The following TEC variants were observed in gnomAD, a reference collection of about 807,000 sequenced individuals.
The protein encoded by TEC is tyrosine-protein kinase Tec.
In TEC, 72 loss-of-function variants were observed where a neutral mutation model predicts 93.0. The observed-to-expected ratio is 0.77, with a 90% CI of 0.64 to 0.94. The LOEUF (loss-of-function observed/expected upper bound fraction) is 0.94. Ranked by LOEUF, TEC falls within the 40% of genes least tolerant of loss-of-function variation. The pLI is 0.00. For missense variants in TEC, 630 were observed against 757.9 expected, an observed-to-expected ratio of 0.83 and a Z score of 1.98; for synonymous variants, 249 against 247.7, an observed-to-expected ratio of 1.01 and a Z score of -0.05.
At chr4:48,263,208 T>G (rs1372681041) in intron 1 of TEC, among the ~76,000 whole-genome samples, 1 of 152,162 alleles carries the variant, frequency 6.6e-6, no homozygotes, top group South Asian at 2.1e-4. Context: ...GAAGTAAGGG[T>G]GCTGCTGCTG....
At chr4:48,151,019 A>C in intron 9 of TEC, 77 bp from the exon 10 acceptor site, 1 of 924,688 alleles carries the variant, frequency 1.1e-6, no homozygotes. Flanking sequence ...TAAAGAACCT[A>C]ATATTATAAT....
chr4:48,168,756 G>T, intron 5 of TEC, 130 bp from the exon 6 acceptor site: 1 of 845,048 alleles, frequency 1.2e-6, no homozygotes. Flanking sequence ...ACCAACTCTG[G>T]TGTATGCTGC....
intron 2 of TEC, among the ~76,000 whole-genome samples, chr4:48,185,140 A>G (rs562836754): frequency 2.0e-5 from 3 of 152,388 alleles, no homozygotes; most frequent in Admixed American, 1.3e-4. Context: ...CATATTTACA[A>G]TGAAAGTTCG....
chr4:48,150,838 A>T (rs1053851794), intron 10 of TEC, 25 bp downstream of exon 10: 7 of 1,368,308 alleles, frequency 5.1e-6, no homozygotes, highest in Non-Finnish European at 6.8e-6. Flanking sequence ...TCTAAATTAT[A>T]AAAAAAAATG....
At chr4:48,177,077 G>C (rs1237582988) in intron 2 of TEC, among the ~76,000 whole-genome samples, 2 of 152,140 alleles carry the variant, frequency 1.3e-5, no homozygotes, top group East Asian at 3.8e-4. Context: ...TCTGCCTGCA[G>C]CAATTAACTA....
chr4:48,178,798 T>C (rs554096595), intron 2 of TEC, among the ~76,000 whole-genome samples: 4 of 152,126 alleles, frequency 2.6e-5, no homozygotes, highest in Non-Finnish European at 4.4e-5. Flanking sequence ...CCGGGAAGCA[T>C]GCTTTTCACC....
intron 1 of TEC, among the ~76,000 whole-genome samples, chr4:48,243,587 T>C (rs778906772): frequency 6.6e-6 from 1 of 152,162 alleles, no homozygotes; most frequent in Non-Finnish European, 1.5e-5. Flanking sequence ...AGATATGTTA[T>C]CAAAATAAAA....
chr4:48,231,712 G>A (rs1021739226), intron 1 of TEC, among the ~76,000 whole-genome samples: 1 of 151,548 alleles, frequency 6.6e-6, no homozygotes, highest in Non-Finnish European at 1.5e-5. Context: ...AGCCAAGATC[G>A]CACCACTGCA....
At chr4:48,167,725 C>A in intron 7 of TEC, 53 bp downstream of exon 7, 2 of 1,552,460 alleles carry the variant, frequency 1.3e-6, no homozygotes, top group South Asian at 1.2e-5. Flanking sequence ...TCTCACTCAA[C>A]ACTTGACTCC....
intron 8 of TEC, among the ~76,000 whole-genome samples, chr4:48,159,255 A>G (rs1720523736): frequency 1.3e-5 from 2 of 152,350 alleles, no homozygotes; most frequent in African/African-American, 4.8e-5. Context: ...AGGCTGTACA[A>G]GAAGCATGGT....
intron 2 of TEC, among the ~76,000 whole-genome samples, chr4:48,197,311 CCT>C (rs1340768407): frequency 6.6e-6 from 1 of 152,180 alleles, no homozygotes; most frequent in Non-Finnish European, 1.5e-5. Flanking sequence ...AAGTACTCAA[CCT>C]CTCTGTTCTT....
intron 12 of TEC, 83 bp from the exon 13 acceptor site, chr4:48,145,662 C>T: frequency 3.6e-6 from 5 of 1,405,796 alleles, no homozygotes; most frequent in Non-Finnish European, 4.9e-6. Flanking sequence ...AACCTACAAC[C>T]AAGATCAACC....
chr4:48,188,420 A>T (rs1721970062), intron 2 of TEC, among the ~76,000 whole-genome samples: 1 of 152,154 alleles, frequency 6.6e-6, no homozygotes, highest in African/African-American at 2.4e-5. Flanking sequence ...GTGTTTCCCA[A>T]AGAGTGCTCT....
intron 9 of TEC, chr4:48,153,392 G>A (rs980453020): frequency 3.9e-5 from 6 of 152,198 alleles, no homozygotes; most frequent in Non-Finnish European, 7.3e-5. Context: ...GGAATACACT[G>A]CTGCAGAACT....
At chr4:48,178,049 A>C (rs1484400148) in intron 2 of TEC, among the ~76,000 whole-genome samples, 1 of 152,172 alleles carries the variant, frequency 6.6e-6, no homozygotes, top group Non-Finnish European at 1.5e-5. Context: ...CTAATACAAC[A>C]GTTTTGTCAG....
In TEC at chr4:48,145,097, G is replaced by A; in HGVS notation, c.1452C>T (p.Ser484=). 6.2e-7 allele frequency: 1 copy of A among 1,613,948 alleles called. No individual in the cohort carries two copies. Among genetic ancestry groups the A allele is most frequent in the Admixed American group, 1.7e-5 (1 of 60,010 alleles). ...GGGTTACCAGATCTCTGTGGATGAA[G>A]CTGTTTCTCTCCAGATACTCCATCC... ...CEGMEYLERN[S]FIHRDLAARN... is the part of the protein sequence containing the mutation. The change falls in exon 14 of 18, where the codon AGC becomes AGT. Residue 484 remains serine, a synonymous_variant. Coordinates refer to ENST00000381501, the MANE Select transcript of TEC (RefSeq NM_003215.3).
chr4:48,184,490 G>A lies in TEC; in HGVS notation c.139-8304C>T, dbSNP rs73814682. ...GTGTTGGCTGGAATTGAATCTCTCC[G>A]TAAGTAGTTCTCTTGCCATCCACAT... On this transcript the variant is annotated intron_variant, in intron 2 of 17. Coordinates refer to ENST00000381501, the MANE Select transcript of TEC (RefSeq NM_003215.3). 6.0e-4 allele frequency among the ~76,000 whole-genome samples: 91 copies of A among 152,274 alleles called. No homozygotes were observed. The Middle Eastern group carries it at 0.01, about 17-fold the overall frequency.
intron 1 of TEC, among the ~76,000 whole-genome samples, chr4:48,243,279 A>G (rs1330598987): frequency 2.0e-5 from 3 of 152,200 alleles, no homozygotes; most frequent in Admixed American, 2.0e-4. Flanking sequence ...GAAGTAACTT[A>G]AACAGGTAAG....
chr4:48,207,779 C>T (rs1273831788), intron 2 of TEC, among the ~76,000 whole-genome samples: 1 of 152,032 alleles, frequency 6.6e-6, no homozygotes, highest in Non-Finnish European at 1.5e-5. Flanking sequence ...CAGAGTGAGA[C>T]CTCGTCTCAA....
Sources: allele counts gnomAD v4.1 joint callset (sites outside exome capture counted in the v4.1 genomes callset), GRCh38; gene constraint gnomAD v4.1.1; transcripts MANE v1.5; gene names NCBI Gene and HGNC (gene_info 2026-07-23, HGNC 2026-07-21).